The following FGF14 variants were observed in gnomAD, a reference collection of about 807,000 sequenced individuals.
The protein encoded by FGF14 is fibroblast growth factor homologous factor 4.
In FGF14, 5 loss-of-function variants were observed where a neutral mutation model predicts 25.5. The ratio of observed to expected loss-of-function variants is 0.20; its 90% CI spans 0.10 to 0.41. The LOEUF (loss-of-function observed/expected upper bound fraction) is 0.41. Among genes scored for constraint, FGF14 ranks in the 10% least tolerant of loss-of-function variants. FGF14 has a pLI of 1.00. For synonymous variants in FGF14, 138 were observed against 118.3 expected (o/e 1.17, Z -1.08); for missense variants, 222 against 320.1 (o/e 0.69, Z 2.34).
At position 102,248,586 on chromosome 13, in the gene FGF14, A is replaced by T. The variant is rs78352333; in HGVS notation, c.208+152885T>A. On this transcript the variant is annotated intron_variant, in intron 1 of 4. Coordinates refer to the FGF14 transcript ENST00000376131. ...GTATAAAAGGAAAAGTGGAGTACAG[A>T]GTGGGAGAGGGAGATGGGGGCCAGA... is the stretch of plus-strand genomic sequence containing the variant. Among the ~76,000 whole-genome samples, 368 of 152,248 alleles carry T rather than the reference A, an allele frequency of 2.4e-3. 2 individuals are homozygous for T. Among genetic ancestry groups the T allele is most frequent in the Non-Finnish European group, 3.9e-3 (267 of 68,028 alleles).
chr13:102,191,366 T>C (rs1485880817), intron 1 of FGF14, among the ~76,000 whole-genome samples: 1 of 152,176 alleles, frequency 6.6e-6, no homozygotes, highest in Non-Finnish European at 1.5e-5. Context: ...TTTCTCACAG[T>C]CCTGGAGGCT....
chr13:102,102,952 G>A (rs1411213516), intron 1 of FGF14, among the ~76,000 whole-genome samples: 1 of 152,152 alleles, frequency 6.6e-6, no homozygotes, highest in Non-Finnish European at 1.5e-5. Flanking sequence ...TACACGGCCA[G>A]GAGGAAAGAA....
chr13:102,021,230 G>A (rs2040633966), intron 1 of FGF14, among the ~76,000 whole-genome samples: 1 of 152,042 alleles, frequency 6.6e-6, no homozygotes, highest in East Asian at 1.9e-4. Flanking sequence ...TAAAGGAAGA[G>A]CATAAGATGG....
intron 1 of FGF14, among the ~76,000 whole-genome samples, chr13:102,390,676 A>T (rs550878064): frequency 6.6e-6 from 1 of 152,338 alleles, no homozygotes; most frequent in South Asian, 2.1e-4. Flanking sequence ...GATTTTAAAG[A>T]TGAAATTAGA....
chr13:102,394,656 G>C (rs2058529112), intron 1 of FGF14: 1 of 152,312 alleles, frequency 6.6e-6, no homozygotes, highest in Admixed American at 6.5e-5. Flanking sequence ...GGCGAGCCGA[G>C]GCTGGGAGCG....
chr13:101,868,916 A>T, intron 2 of FGF14, 88 bp from the exon 3 acceptor site: 1 of 858,256 alleles, frequency 1.2e-6, no homozygotes, highest in Non-Finnish European at 2.0e-6. Context: ...TTTATTTAAG[A>T]AACATCATCT....
chr13:102,013,930 G>C (rs141920215), intron 1 of FGF14, among the ~76,000 whole-genome samples: 1 of 152,288 alleles, frequency 6.6e-6, no homozygotes, highest in East Asian at 1.9e-4. Context: ...CCAATAGAAA[G>C]AGCACAAAGG....
intron 1 of FGF14, among the ~76,000 whole-genome samples, chr13:102,196,997 G>T (rs1299433363): frequency 6.6e-6 from 1 of 150,654 alleles, no homozygotes; most frequent in Non-Finnish European, 1.5e-5. Context: ...CTTAAAGCAA[G>T]ATGGACTCTA....
intron 1 of FGF14, among the ~76,000 whole-genome samples, chr13:102,189,338 G>A (rs560791984): frequency 1.3e-5 from 2 of 152,172 alleles, no homozygotes; most frequent in Non-Finnish European, 2.9e-5. Context: ...AATCAGAGGT[G>A]CACTTTAGGA....
chr13:102,215,330 C>A (rs1232871421), intron 1 of FGF14, among the ~76,000 whole-genome samples: 1 of 152,202 alleles, frequency 6.6e-6, no homozygotes, highest in Non-Finnish European at 1.5e-5. Context: ...AACACATGTA[C>A]TTGAAGTTCA....
intron 1 of FGF14, among the ~76,000 whole-genome samples, chr13:101,944,960 G>T (rs961563989): frequency 1.3e-5 from 2 of 152,152 alleles, no homozygotes; most frequent in Non-Finnish European, 2.9e-5. Context: ...TTCTAGAGAT[G>T]AATGGCTGTG....
intron 1 of FGF14, among the ~76,000 whole-genome samples, chr13:102,151,277 G>C (rs946913510): frequency 1.3e-5 from 2 of 152,130 alleles, no homozygotes; most frequent in Admixed American, 1.3e-4. Context: ...AGTAGCAGCT[G>C]TGTGCCATGT....
At chr13:101,918,694 T>G (rs531622157), upstream of FGF14, among the ~76,000 whole-genome samples, 1 of 152,260 alleles carries the variant, frequency 6.6e-6, no homozygotes, top group Non-Finnish European at 1.5e-5. Context: ...CAGCCACTGC[T>G]GGGCTGTTGT....
In FGF14 at chr13:101,916,703, C is replaced by T; in HGVS notation, c.-58G>A. The T allele has an allele frequency of 7.1e-7, 1 of 1,411,418 alleles. No individual in the cohort carries two copies. Among genetic ancestry groups the T allele is most frequent in the Non-Finnish European group, 9.4e-7 (1 of 1,068,612 alleles). 87.4% of individuals were successfully genotyped at this position (1,411,418 alleles called of 1,614,324 possible). The stretch of plus-strand genomic sequence containing the variant: ...GCGCGGGAGGACGGCGAGCCGGGGG[C>T]ACCGGAGGGGAAGGCGGCGGCGCAG... On this transcript the variant is annotated 5_prime_UTR_variant, in exon 1 of 5. Coordinates refer to ENST00000376143, the MANE Select transcript of FGF14 (RefSeq NM_004115.4).
intron 1 of FGF14, among the ~76,000 whole-genome samples, chr13:102,182,409 A>G (rs1472477797): frequency 2.0e-5 from 3 of 152,150 alleles, no homozygotes; most frequent in African/African-American, 7.2e-5. Context: ...GACCTCTGGA[A>G]CTGTACCATA....
chr13:101,877,042 T>G (rs554283699), intron 1 of FGF14, among the ~76,000 whole-genome samples: 1 of 152,258 alleles, frequency 6.6e-6, no homozygotes, highest in East Asian at 1.9e-4. Context: ...TCTGTAAAAC[T>G]TTTATGTTCT....
intron 1 of FGF14, among the ~76,000 whole-genome samples, chr13:102,209,893 T>C (rs1412924309): frequency 6.6e-6 from 1 of 152,124 alleles, no homozygotes; most frequent in Non-Finnish European, 1.5e-5. Flanking sequence ...CTTTTTCTCA[T>C]CAATTCATTT....
Position 101,714,108 on chromosome 13 carries a change from G to GA in FGF14, c.*8722dup, listed in dbSNP as rs2034604046. Reference sequence around the variant, plus strand: ...TTAAAAACATGATTCAATTTAGGAGGAAAAAATCTATTTTTGAATACTTTT... The same window carrying GA: ...TTAAAAACATGATTCAATTTAGGAGGAAAAAAATCTATTTTTGAATACTTTT... On this transcript the variant is annotated 3_prime_UTR_variant, in exon 5 of 5. Coordinates refer to ENST00000376143, the MANE Select transcript of FGF14 (RefSeq NM_004115.4). 4.8e-6 allele frequency: 1 copy of GA among 209,806 alleles called. No individual in the cohort carries two copies. The allele number at this position is 209,806 out of a possible 1,614,324, so 13.0% of individuals were successfully genotyped here. A position where few individuals can be genotyped will look rare whatever the true frequency, so the allele number is the denominator to read the frequency against.
chr13:101,757,907 A>AGG (rs2037766556), intron 3 of FGF14, among the ~76,000 whole-genome samples: 1 of 152,236 alleles, frequency 6.6e-6, no homozygotes, highest in African/African-American at 2.4e-5. Flanking sequence ...TAGAAAAGTA[A>AGG]GTAGCCTGGT....
Sources: gnomAD v4.1 joint callset for allele counts (sites outside exome capture counted in the v4.1 genomes callset) on GRCh38, gnomAD v4.1.1 for gene constraint, MANE v1.5 for transcripts, NCBI Gene and HGNC (gene_info 2026-07-23, HGNC 2026-07-21) for gene names.